BCL2L13: variants seen among roughly 807,000 people sequenced by gnomAD.
The protein encoded by BCL2L13 is BCL2 like 13.
In BCL2L13, 13 loss-of-function variants were observed where a neutral mutation model predicts 25.8. That is an observed-to-expected ratio of 0.50 (90% CI 0.33 to 0.80). The LOEUF (loss-of-function observed/expected upper bound fraction) is 0.80. BCL2L13 is among the 30% of genes least tolerant of loss of function. The probability of loss-of-function intolerance (pLI) is 0.02; values close to 1 mark genes in which losing one functional copy is unlikely to be tolerated. For missense variants in BCL2L13, 504 were observed against 574.9 expected (o/e 0.88, Z 1.26); for synonymous variants, 244 against 230.3 (o/e 1.06, Z -0.54).
chr22:17,699,007 C>G (rs2060353175), intron 5 of BCL2L13, among the ~76,000 whole-genome samples: 1 of 152,110 alleles, frequency 6.6e-6, no homozygotes, highest in South Asian at 2.1e-4. Flanking sequence ...GTTTTATTGA[C>G]TATATCACTG....
chr22:17,638,044 A>G (rs2058143416), upstream of BCL2L13: 1 of 152,186 alleles, frequency 6.6e-6, no homozygotes, highest in Non-Finnish European at 1.5e-5. Flanking sequence ...GTTCCAATTC[A>G]GTACACACAC....
intron 6 of BCL2L13, among the ~76,000 whole-genome samples, chr22:17,713,738 G>A (rs1421951279): frequency 1.3e-5 from 2 of 151,612 alleles, no homozygotes; most frequent in South Asian, 4.2e-4. Context: ...GGGATTACAG[G>A]CATGAGCCAC....
At chr22:17,660,417 T>G (rs776879772) in intron 2 of BCL2L13, among the ~76,000 whole-genome samples, 1 of 145,010 alleles carries the variant, frequency 6.9e-6, no homozygotes, top group Non-Finnish European at 1.6e-5. Flanking sequence ...CTACACTTAC[T>G]GATTGATTGA....
intron 6 of BCL2L13, among the ~76,000 whole-genome samples, chr22:17,705,171 G>A (rs2060554431): frequency 6.6e-6 from 1 of 151,842 alleles, no homozygotes; most frequent in Non-Finnish European, 1.5e-5. Context: ...TACTTGGGAG[G>A]CTAAGGCAGG....
At chr22:17,722,765 G>A (rs991519797) in intron 6 of BCL2L13, among the ~76,000 whole-genome samples, 17 of 152,124 alleles carry the variant, frequency 1.1e-4, no homozygotes, top group Admixed American at 4.6e-4. Context: ...AGATTGTATT[G>A]AACCAAAGGG....
chr22:17,636,915 C>T (rs1218118547), upstream of BCL2L13, among the ~76,000 whole-genome samples: 1 of 152,220 alleles, frequency 6.6e-6, no homozygotes, highest in African/African-American at 2.4e-5. Context: ...TAAATTATTG[C>T]ATGTTACATT....
Position 17,726,854 on chromosome 22 carries a change from C to T in BCL2L13, c.778C>T (p.Gln260Ter). 3 of 1,613,954 alleles carry T rather than the reference C, an allele frequency of 1.9e-6. No individual in the cohort carries two copies. The highest frequency in any genetic ancestry group is 2.5e-6 in the Non-Finnish European group (3 of 1,179,840). Residue 260 changes from glutamine (Q) to a stop codon, truncating the protein, a stop_gained, in exon 7 of 7, where the codon CAG becomes TAG. Transcript: ENST00000317582. LOFTEE classifies it low-confidence loss of function (END_TRUNC). Reference sequence around the variant, plus strand: ...CTTACCTGTGTCACTGTCAGCTAGCCAGAGTTGGCACACAGAAAGCCTGCC... The same window carrying T: ...CTTACCTGTGTCACTGTCAGCTAGCTAGAGTTGGCACACAGAAAGCCTGCC... ...ESLPVSLSAS[Q>*]SWHTESLPVS... is the part of the protein sequence containing the mutation.
intron 1 of BCL2L13, among the ~76,000 whole-genome samples, chr22:17,649,574 C>T (rs997931738): frequency 3.3e-5 from 5 of 152,068 alleles, no homozygotes; most frequent in African/African-American, 1.2e-4. Context: ...ACGATCTTGG[C>T]TCACTGCAAC....
chr22:17,693,369 T>TG (rs2060166088), intron 4 of BCL2L13, among the ~76,000 whole-genome samples: 1 of 83,962 alleles, frequency 1.2e-5, no homozygotes, highest in African/African-American at 4.8e-5. Context: ...TTATTTAGTG[T>TG]TTGTTTTTTT....
chr22:17,712,024 G>GTT (rs759236287), intron 6 of BCL2L13, among the ~76,000 whole-genome samples: 2 of 144,040 alleles, frequency 1.4e-5, no homozygotes, highest in African/African-American at 5.0e-5. Flanking sequence ...TTTTTTGAAG[G>GTT]TTTTTTTTTT....
rs1320904011 is a variant in BCL2L13, at chr22:17,693,336, T to C, written c.387-2805T>C. 9.1e-5 allele frequency among the ~76,000 whole-genome samples: 8 copies of C among 88,134 alleles called. No homozygotes were observed. In the East Asian group the frequency reaches 1.8e-3, roughly 20 times the overall value. The allele number at this position is 88,134 out of a possible 152,430, so 57.8% of individuals were successfully genotyped here. A position where few individuals can be genotyped will look rare whatever the true frequency, so the allele number is the denominator to read the frequency against. On this transcript the variant is annotated intron_variant, in intron 4 of 6. Transcript: ENST00000317582. ...GCAGAAAAATGCCTTTGGGGTAGTTTATTTATTTATTTATTTATTTATTTA... is the reference window on the plus strand; with the variant it reads ...GCAGAAAAATGCCTTTGGGGTAGTTCATTTATTTATTTATTTATTTATTTA...
chr22:17,713,120 T>A (rs1050483171), intron 6 of BCL2L13, among the ~76,000 whole-genome samples: 2 of 152,188 alleles, frequency 1.3e-5, no homozygotes, highest in Non-Finnish European at 2.9e-5. Context: ...TTAATTGTTA[T>A]GGGTTGTAAT....
At chr22:17,652,873 G>C (rs1407732711) in intron 1 of BCL2L13, among the ~76,000 whole-genome samples, 2 of 152,100 alleles carry the variant, frequency 1.3e-5, no homozygotes, top group East Asian at 3.9e-4. Flanking sequence ...GACCATCCTG[G>C]CTAACACGGT....
At position 17,727,434 on chromosome 22, in the gene BCL2L13, C is replaced by G. The variant is rs200014585; in HGVS notation, c.1358C>G (p.Pro453Arg). ...CCCGCCGGTGAGATGAAGCCCATGC[C>G]GCTGTCTGAGGGCAAGTCTATACTG... ...LSPAGEMKPMPLSEGKSILLF... is the reference protein window; with the variant it reads ...LSPAGEMKPMRLSEGKSILLF... The change falls in exon 7 of 7, where the codon CCG becomes CGG. Residue 453 changes from proline (P) to arginine (R), a missense_variant. Pro to Arg is a moderately radical substitution (Grantham distance 103). Transcript: ENST00000317582. The G allele has an allele frequency of 6.2e-7, 1 of 1,614,098 alleles. No homozygotes were observed. The highest frequency in any genetic ancestry group is 8.5e-7 in the Non-Finnish European group (1 of 1,180,056).
At chr22:17,704,920 ATAGT>A (rs1005911396) in intron 6 of BCL2L13, among the ~76,000 whole-genome samples, 17 of 152,106 alleles carry the variant, frequency 1.1e-4, no homozygotes, top group African/African-American at 3.9e-4. Context: ...TTCCTGAAAC[ATAGT>A]TAAACTGTAC....
chr22:17,645,594 T>G (rs890988394), intron 1 of BCL2L13, among the ~76,000 whole-genome samples: 2 of 151,610 alleles, frequency 1.3e-5, no homozygotes, highest in African/African-American at 4.9e-5. Context: ...TCCTACAATA[T>G]AATCAGCACT....
Position 17,646,270 on chromosome 22 carries a change from G to A in BCL2L13, c.-51+7384G>A, listed in dbSNP as rs1370603048. 3.3e-5 allele frequency among the ~76,000 whole-genome samples: 5 copies of A among 151,498 alleles called. 1 individual carries two copies. Among genetic ancestry groups the A allele is most frequent in the African/African-American group, 9.8e-5 (4 of 40,808 alleles). On this transcript the variant is annotated intron_variant, in intron 1 of 6. Transcript: ENST00000317582. ...TTTTTGTTTGTTTGTTTGAGACAGA[G>A]TTTCTCGCTCTTGTTGCCCAGGCTG...
chr22:17,713,683 A>G (rs2060827189), intron 6 of BCL2L13, among the ~76,000 whole-genome samples: 1 of 151,604 alleles, frequency 6.6e-6, no homozygotes, highest in Admixed American at 6.6e-5. Flanking sequence ...GATGGTCTCC[A>G]TCTCTTGACC....
At chr22:17,669,096 G>C (rs139080491) in intron 2 of BCL2L13, among the ~76,000 whole-genome samples, 2 of 144,902 alleles carry the variant, frequency 1.4e-5, no homozygotes, top group African/African-American at 5.2e-5. Flanking sequence ...GCAGTGGTGC[G>C]ATCTCAGCTC....
Sources: gnomAD v4.1 joint callset for allele counts (sites outside exome capture counted in the v4.1 genomes callset) on GRCh38, gnomAD v4.1.1 for gene constraint, MANE v1.5 for transcripts, NCBI Gene and HGNC (gene_info 2026-07-23, HGNC 2026-07-21) for gene names.